Variants in ZBTB20 observed in about 807,000 individuals in gnomAD.
ZBTB20 encodes zinc finger and BTB domain containing 20, also known as zinc finger and BTB domain-containing protein 20.
ZBTB20 carries 9 observed loss-of-function variants against 56.9 expected under a neutral mutation model. That is an observed-to-expected ratio of 0.16 (90% confidence interval 0.10 to 0.28). The LOEUF (loss-of-function observed/expected upper bound fraction) is 0.28, where lower values mean the gene tolerates loss of function less well. ZBTB20 is among the 10% of genes least tolerant of loss of function. The pLI is 1.00. For synonymous variants in ZBTB20, 417 were observed against 420.7 expected (o/e 0.99, Z 0.11); for missense variants, 655 against 1,003.0 (o/e 0.65, Z 4.69).
chr3:115,128,500 C>A (rs1397815898), intron 1 of ZBTB20, among the ~76,000 whole-genome samples: 1 of 151,618 alleles, frequency 6.6e-6, no homozygotes, highest in Non-Finnish European at 1.5e-5. Flanking sequence ...CTCGTCTCTA[C>A]TAAAAACACA....
At chr3:115,132,651 CT>C (rs1441271064) in intron 1 of ZBTB20, among the ~76,000 whole-genome samples, 21 of 152,088 alleles carry the variant, frequency 1.4e-4, no homozygotes, top group African/African-American at 5.1e-4. Context: ...AATCCCAGCA[CT>C]TTGGGTGGAG....
intron 6 of ZBTB20, among the ~76,000 whole-genome samples, chr3:114,663,935 T>C (rs2060899747): frequency 6.6e-6 from 1 of 151,770 alleles, no homozygotes; most frequent in Non-Finnish European, 1.5e-5. Context: ...CACACATTAA[T>C]AATGGGAGAC....
chr3:114,669,129 C>G (rs1342031831), intron 6 of ZBTB20, among the ~76,000 whole-genome samples: 2 of 152,058 alleles, frequency 1.3e-5, no homozygotes, highest in Non-Finnish European at 2.9e-5. Flanking sequence ...TTTTGATAAT[C>G]CAAACTGAGG....
intron 6 of ZBTB20, among the ~76,000 whole-genome samples, 178 bp downstream of exon 6, chr3:114,693,350 T>C (rs1216964126): frequency 6.6e-6 from 1 of 152,174 alleles, no homozygotes; most frequent in Non-Finnish European, 1.5e-5. Context: ...ATATTAAAGA[T>C]CTGTCCTTTA....
At chr3:114,607,847 C>A (rs1420853748) in intron 6 of ZBTB20, among the ~76,000 whole-genome samples, 1 of 152,142 alleles carries the variant, frequency 6.6e-6, no homozygotes, top group African/African-American at 2.4e-5. Context: ...TCTCATGAAG[C>A]ACAAAAATCA....
intron 7 of ZBTB20, among the ~76,000 whole-genome samples, chr3:114,414,815 T>C (rs1404997060): frequency 6.7e-6 from 1 of 149,894 alleles, no homozygotes. Context: ...TTATTATATA[T>C]GTTTACATGT....
intron 2 of ZBTB20, among the ~76,000 whole-genome samples, chr3:115,069,216 A>C (rs2082315503): frequency 6.6e-6 from 1 of 152,192 alleles, no homozygotes; most frequent in Non-Finnish European, 1.5e-5. Flanking sequence ...CATACAGTAC[A>C]ATGCCAACTA....
chr3:114,631,787 G>A (rs936561198), intron 6 of ZBTB20, among the ~76,000 whole-genome samples: 2 of 152,122 alleles, frequency 1.3e-5, no homozygotes, highest in Admixed American at 1.3e-4. Flanking sequence ...AAATAGAGAA[G>A]CATCAATAAA....
At chr3:114,523,955 G>C (rs898740145) in intron 6 of ZBTB20, among the ~76,000 whole-genome samples, 2 of 152,194 alleles carry the variant, frequency 1.3e-5, no homozygotes, top group African/African-American at 4.8e-5. Context: ...ACATTTGCTT[G>C]TGTGTTTTTC....
chr3:114,536,895 T>A (rs567042080), intron 6 of ZBTB20, among the ~76,000 whole-genome samples: 32 of 152,262 alleles, frequency 2.1e-4, no homozygotes, highest in Non-Finnish European at 4.3e-4. Flanking sequence ...GGGAAAAGAT[T>A]CCCTATTTAA....
chr3:114,380,495 T>C, intron 9 of ZBTB20, 91 bp from the exon 10 acceptor site: 1 of 1,412,368 alleles, frequency 7.1e-7, no homozygotes. Context: ...TTGATTTTTT[T>C]TTTCTGAAGG....
intron 5 of ZBTB20, among the ~76,000 whole-genome samples, chr3:114,774,344 T>C (rs1003466988): frequency 5.3e-5 from 8 of 152,178 alleles, no homozygotes; most frequent in Admixed American, 2.0e-4. Context: ...TAAAAATTAC[T>C]AATACCACAC....
At chr3:115,090,570 T>C (rs2083152433) in intron 1 of ZBTB20, among the ~76,000 whole-genome samples, 1 of 151,788 alleles carries the variant, frequency 6.6e-6, no homozygotes, top group African/African-American at 2.4e-5. Context: ...CACAGAAAAG[T>C]ATATCACCTA....
At chr3:115,056,923 A>C (rs998453250) in intron 2 of ZBTB20, among the ~76,000 whole-genome samples, 1 of 152,166 alleles carries the variant, frequency 6.6e-6, no homozygotes. Context: ...TAACAATAAC[A>C]GGTTTGTGTC....
chr3:114,431,520 TATTA>T (rs1406131237), intron 7 of ZBTB20, among the ~76,000 whole-genome samples: 2 of 152,246 alleles, frequency 1.3e-5, no homozygotes, highest in African/African-American at 4.8e-5. Context: ...TAAAGTTATT[TATTA>T]TTTACAATTA....
Position 114,413,301 on chromosome 3 carries a change from T to C in ZBTB20, c.-254-24196A>G, listed in dbSNP as rs866783417. On this transcript the variant is annotated intron_variant, in intron 7 of 11. Coordinates refer to ENST00000675478, the MANE Select transcript of ZBTB20 (RefSeq NM_001348800.3). The stretch of plus-strand genomic sequence containing the variant: ...AGTATACGTGAACTGGAAGTCATCT[T>C]ACTACTTTTCAAAAGAAACAATTTA... Among the ~76,000 whole-genome samples the C allele has an allele frequency of 2.6e-5, 4 of 152,294 alleles. No individual in the cohort carries two copies. The Middle Eastern group carries it at 0.014, about 518-fold the overall frequency.
chr3:115,082,829 T>C (rs1396152604), intron 1 of ZBTB20, among the ~76,000 whole-genome samples: 1 of 152,040 alleles, frequency 6.6e-6, no homozygotes, highest in African/African-American at 2.4e-5. Flanking sequence ...TGTGTGTACA[T>C]GCACACACAT....
At chr3:115,057,493 A>G (rs1309813609) in intron 2 of ZBTB20, among the ~76,000 whole-genome samples, 2 of 152,120 alleles carry the variant, frequency 1.3e-5, no homozygotes, top group Non-Finnish European at 2.9e-5. Flanking sequence ...CCAATTATTT[A>G]TGTAATTTAT....
chr3:114,696,266 T>G (rs1274869649), intron 5 of ZBTB20, among the ~76,000 whole-genome samples: 1 of 152,114 alleles, frequency 6.6e-6, no homozygotes, highest in East Asian at 1.9e-4. Context: ...TAAAATTAAA[T>G]GAACCAATTT....
Sources: gnomAD v4.1 joint callset for allele counts (sites outside exome capture counted in the v4.1 genomes callset) on GRCh38, gnomAD v4.1.1 for gene constraint, MANE v1.5 for transcripts, NCBI Gene and HGNC (gene_info 2026-07-23, HGNC 2026-07-21) for gene names.